Variants in HBS1L observed in about 807,000 individuals in gnomAD.
HBS1L encodes the protein HBS1-like protein.
In HBS1L, 55 loss-of-function variants were observed where a neutral mutation model predicts 88.9. The ratio of observed to expected loss-of-function variants is 0.62; its 90% CI spans 0.50 to 0.77. The LOEUF (loss-of-function observed/expected upper bound fraction) is 0.77. Ranked by LOEUF, HBS1L falls within the 30% of genes least tolerant of loss-of-function variation. The pLI is 0.00. For synonymous variants in HBS1L, 267 were observed against 288.5 expected (o/e 0.93, Z 0.76); for missense variants, 741 against 829.3 (o/e 0.89, Z 1.31).
chr6:135,040,677 T>C (rs1036199974), intron 3 of HBS1L, among the ~76,000 whole-genome samples: 5 of 152,122 alleles, frequency 3.3e-5, no homozygotes, highest in African/African-American at 9.7e-5. Context: ...GAAAAAAATT[T>C]AAGTCTGGAA....
chr6:134,987,936 A>G lies in HBS1L; in HGVS notation c.1084-145T>C. ...AAAGCAAATCAAACAAAAGACTCCCAAAGATGGATTAAAATTTTAAAATAA... is the reference window on the plus strand; with the variant it reads ...AAAGCAAATCAAACAAAAGACTCCCGAAGATGGATTAAAATTTTAAAATAA... On this transcript the variant is annotated intron_variant, in intron 8 of 17. Transcript: ENST00000367837. 1.1e-5 allele frequency: 6 copies of G among 547,066 alleles called. No homozygotes were observed. In the South Asian group the frequency reaches 2.9e-4, roughly 26 times the overall value. 33.9% of individuals were successfully genotyped at this position (547,066 alleles called of 1,614,324 possible).
intron 4 of HBS1L, among the ~76,000 whole-genome samples, chr6:135,034,844 T>A (rs1371062315): frequency 6.6e-6 from 1 of 152,178 alleles, no homozygotes; most frequent in African/African-American, 2.4e-5. Flanking sequence ...TACTGATTCC[T>A]CCCTTTAAGG....
intron 12 of HBS1L, among the ~76,000 whole-genome samples, chr6:134,984,082 A>T (rs1774911269): frequency 6.6e-6 from 1 of 152,206 alleles, no homozygotes; most frequent in South Asian, 2.1e-4. Flanking sequence ...GAAGCCAGGA[A>T]GCAGCCTGAA....
rs1224005946 is a variant in HBS1L, at chr6:134,964,430, T to G, written c.*849A>C. The stretch of plus-strand genomic sequence containing the variant: ...GAAAGGGCCATCATAGGTATAATTC[T>G]AAAAGTGAGAATGGGAAAAGCAAGT... On this transcript the variant is annotated 3_prime_UTR_variant, in exon 18 of 18. Transcript: ENST00000367837. The G allele has an allele frequency of 2.0e-5, 3 of 152,086 alleles. No individual in the cohort carries two copies. Among genetic ancestry groups the G allele is most frequent in the Non-Finnish European group, 4.4e-5 (3 of 68,024 alleles). 9.4% of individuals were successfully genotyped at this position (152,086 alleles called of 1,614,324 possible).
chr6:134,965,131 T>A lies in HBS1L; in HGVS notation c.*148A>T. On this transcript the variant is annotated 3_prime_UTR_variant, in exon 18 of 18. Coordinates refer to ENST00000367837, the MANE Select transcript of HBS1L (RefSeq NM_006620.4). ...TTTTTGCAGAGGTGATTATTAATAC[T>A]TCTTTGCAGCTAATTTTAGCTTTAA... is the stretch of plus-strand genomic sequence containing the variant. The A allele has an allele frequency of 1.4e-6, 1 of 721,170 alleles. No homozygotes were observed. Among genetic ancestry groups the A allele is most frequent in the Non-Finnish European group, 2.4e-6 (1 of 416,714 alleles). The allele number at this position is 721,170 out of a possible 1,614,324, so 44.7% of individuals were successfully genotyped here. A position where few individuals can be genotyped will look rare whatever the true frequency, so the allele number is the denominator to read the frequency against.
At chr6:135,038,959 T>A (rs1776643546) in intron 4 of HBS1L, among the ~76,000 whole-genome samples, 1 of 152,160 alleles carries the variant, frequency 6.6e-6, no homozygotes, top group Non-Finnish European at 1.5e-5. Flanking sequence ...TATAAGCTAC[T>A]AACAAGAAGA....
intron 15 of HBS1L, among the ~76,000 whole-genome samples, 177 bp from the exon 16 acceptor site, chr6:134,969,515 A>G (rs1774421232): frequency 6.6e-6 from 1 of 152,316 alleles, no homozygotes; most frequent in African/African-American, 2.4e-5. Flanking sequence ...ACTCACTAAG[A>G]GGAAAAAAGT....
intron 4 of HBS1L, among the ~76,000 whole-genome samples, chr6:135,025,347 C>T (rs1484656067): frequency 6.6e-6 from 1 of 152,126 alleles, no homozygotes; most frequent in Non-Finnish European, 1.5e-5. Flanking sequence ...AAGTTGGAGG[C>T]GTACCTCTGA....
intron 16 of HBS1L, among the ~76,000 whole-genome samples, chr6:134,968,752 CAA>C (rs34140771): frequency 5.6e-4 from 50 of 89,238 alleles, no homozygotes; most frequent in African/African-American, 6.9e-4. Flanking sequence ...GGACTTTGAG[CAA>C]AAAAAAAAAA....
At chr6:135,010,907 T>C (rs909387422) in intron 4 of HBS1L, among the ~76,000 whole-genome samples, 1 of 152,174 alleles carries the variant, frequency 6.6e-6, no homozygotes, top group Admixed American at 6.5e-5. Flanking sequence ...TAGAACTATA[T>C]TTACATGAAT....
intron 16 of HBS1L, among the ~76,000 whole-genome samples, chr6:134,966,939 A>C (rs1774333869): frequency 6.8e-6 from 1 of 147,458 alleles, no homozygotes; most frequent in African/African-American, 2.7e-5. Flanking sequence ...TTAGGAAGTT[A>C]TCTGTGAAGA....
intron 13 of HBS1L, among the ~76,000 whole-genome samples, chr6:134,981,345 C>T (rs1774826918): frequency 6.6e-6 from 1 of 151,896 alleles, no homozygotes; most frequent in Admixed American, 6.6e-5. Context: ...GTGCATATTA[C>T]TTTTTATCAA....
At chr6:135,053,524 A>T (rs1423654879) in intron 1 of HBS1L, among the ~76,000 whole-genome samples, 3 of 152,216 alleles carry the variant, frequency 2.0e-5, no homozygotes, top group Non-Finnish European at 4.4e-5. Context: ...GTCCACATGC[A>T]ATACCATCCA....
In HBS1L at chr6:134,989,294, T is replaced by G. The variant is rs545731275; in HGVS notation, c.1084-1503A>C. 1.1e-3 allele frequency among the ~76,000 whole-genome samples: 171 copies of G among 152,344 alleles called. 1 individual carries two copies. The highest frequency in any genetic ancestry group is 5.8e-3 in the South Asian group (28 of 4,832). On this transcript the variant is annotated intron_variant, in intron 8 of 17. Coordinates refer to ENST00000367837, the MANE Select transcript of HBS1L (RefSeq NM_006620.4). ...TCTCTTTTACAGCTTTTGCTTTGTA[T>G]GCATACCTGTTTGTCATAGAAATCC...
chr6:134,982,676 TTAAATAA>T, intron 12 of HBS1L, 114 bp from the exon 13 acceptor site: 1 of 498,360 alleles, frequency 2.0e-6, no homozygotes, highest in Non-Finnish European at 3.6e-6. Context: ...TCAATGGACA[TTAAATAA>T]TAATCATTTC....
intron 1 of HBS1L, among the ~76,000 whole-genome samples, chr6:135,050,943 T>C (rs1777061720): frequency 6.6e-6 from 1 of 152,130 alleles, no homozygotes; most frequent in Non-Finnish European, 1.5e-5. Flanking sequence ...AAAATATACT[T>C]GAGGCCAGGC....
rs73774528 is a variant in HBS1L at position 134,986,875 on chromosome 6, C to A, written c.1231-65G>T. 9.5e-3 allele frequency: 6,969 copies of A among 735,024 alleles called. 338 individuals are homozygous for A. In the African/African-American group the frequency reaches 0.11, roughly 12 times the overall value. 45.5% of individuals were successfully genotyped at this position (735,024 alleles called of 1,614,324 possible). On this transcript the variant is annotated intron_variant, in intron 9 of 17. Coordinates refer to ENST00000367837, the MANE Select transcript of HBS1L (RefSeq NM_006620.4). ...AACATGATACATAAAATTTAAATTT[C>A]TGCAATGAAATATAATCAAGACTAT...
intron 17 of HBS1L, among the ~76,000 whole-genome samples, chr6:134,965,702 C>T (rs538920115): frequency 6.6e-6 from 1 of 152,214 alleles, no homozygotes; most frequent in African/African-American, 2.4e-5. Context: ...GCATTTATGC[C>T]GCTAAAAACT....
At chr6:135,007,103 A>G (rs1775635455) in intron 4 of HBS1L, among the ~76,000 whole-genome samples, 1 of 152,240 alleles carries the variant, frequency 6.6e-6, no homozygotes, top group Admixed American at 6.5e-5. Flanking sequence ...ATACAATGGC[A>G]TAAAAGGTCT....
Sources: gnomAD v4.1 joint callset for allele counts (sites outside exome capture counted in the v4.1 genomes callset) on GRCh38, gnomAD v4.1.1 for gene constraint, MANE v1.5 for transcripts, NCBI Gene and HGNC (gene_info 2026-07-23, HGNC 2026-07-21) for gene names.